MSI2: variants seen among roughly 807,000 people sequenced by gnomAD.
MSI2 encodes musashi RNA binding protein 2.
MSI2 carries 17 observed loss-of-function variants against 45.6 expected under a neutral mutation model. That is an observed-to-expected ratio of 0.37 (90% CI 0.26 to 0.56). MSI2 has a LOEUF of 0.56. MSI2 is among the 20% of genes least tolerant of loss of function. The pLI is 0.77. For missense variants in MSI2, 293 were observed against 444.2 expected (o/e 0.66, Z 3.06); for synonymous variants, 156 against 158.2 (o/e 0.99, Z 0.11).
At chr17:57,401,535 C>A in intron 6 of MSI2, 64 bp downstream of exon 6, 2 of 1,295,086 alleles carry the variant, frequency 1.5e-6, no homozygotes, top group Non-Finnish European at 2.2e-6. Context: ...TAAGAAGAGG[C>A]TACCGTGGCC....
At chr17:57,283,777 C>G (rs544083887) in intron 5 of MSI2, among the ~76,000 whole-genome samples, 1 of 152,224 alleles carries the variant, frequency 6.6e-6, no homozygotes, top group Non-Finnish European at 1.5e-5. Flanking sequence ...GAAGACCACA[C>G]GCGCACGCGC....
chr17:57,371,404 A>G (rs1394450341), intron 5 of MSI2, among the ~76,000 whole-genome samples: 1 of 152,142 alleles, frequency 6.6e-6, no homozygotes, highest in Non-Finnish European at 1.5e-5. Flanking sequence ...AAAATTTTGG[A>G]AAACTGCAAG....
intron 7 of MSI2, among the ~76,000 whole-genome samples, chr17:57,561,726 G>A (rs2144248783): frequency 6.6e-6 from 1 of 152,300 alleles, no homozygotes; most frequent in East Asian, 1.9e-4. Context: ...GTGTGCCCAA[G>A]AGCAGTCTCT....
In MSI2 at chr17:57,683,215, A is replaced by T. The variant is rs1913719792; in HGVS notation, c.*3698A>T. 4.4e-6 allele frequency: 1 copy of T among 229,762 alleles called. No homozygotes were observed. The highest frequency in any genetic ancestry group is 5.7e-5 in the Admixed American group (1 of 17,672). The allele number at this position is 229,762 out of a possible 1,614,324, so 14.2% of individuals were successfully genotyped here. A position where few individuals can be genotyped will look rare whatever the true frequency, so the allele number is the denominator to read the frequency against. ...CAATCACAGCCAGTGAATGTTACAC[A>T]CATCTTGCTAGACTAGTATAAAAAT... On this transcript the variant is annotated 3_prime_UTR_variant, in exon 14 of 14. Coordinates refer to ENST00000284073, the MANE Select transcript of MSI2 (RefSeq NM_138962.4). The surrounding 1 kb of genome is among the most constrained non-coding windows in gnomAD (Gnocchi z 5.2).
At chr17:57,379,467 T>C (rs1262339575) in intron 5 of MSI2, among the ~76,000 whole-genome samples, 1 of 151,856 alleles carries the variant, frequency 6.6e-6, no homozygotes, top group Non-Finnish European at 1.5e-5. Context: ...GGTTGTTTTT[T>C]CGTTTTCTTT....
chr17:57,665,325 C>T (rs772616020), intron 11 of MSI2, among the ~76,000 whole-genome samples: 2 of 152,204 alleles, frequency 1.3e-5, no homozygotes, highest in African/African-American at 2.4e-5. Flanking sequence ...AGCCGCCCTC[C>T]TTGACTGACC....
chr17:57,415,259 T>C (rs951044987), intron 6 of MSI2, among the ~76,000 whole-genome samples: 6 of 152,158 alleles, frequency 3.9e-5, no homozygotes, highest in Non-Finnish European at 7.4e-5. Context: ...AGCACAATCC[T>C]CCCTGATGTT....
At chr17:57,546,905 C>T (rs1241637616) in intron 7 of MSI2, among the ~76,000 whole-genome samples, 1 of 152,198 alleles carries the variant, frequency 6.6e-6, no homozygotes, top group Non-Finnish European at 1.5e-5. Context: ...CAGGCCAAAT[C>T]CCAGCCCTCC....
At chr17:57,588,452 C>A (rs1904518940) in intron 7 of MSI2, among the ~76,000 whole-genome samples, 1 of 152,226 alleles carries the variant, frequency 6.6e-6, no homozygotes, top group South Asian at 2.1e-4. Context: ...AGTCCTACTT[C>A]AGGTACATCT....
At chr17:57,667,408 G>C (rs115435551) in intron 11 of MSI2, among the ~76,000 whole-genome samples, 3,013 of 152,260 alleles carry the variant, frequency 0.02, 92 homozygotes, top group African/African-American at 0.068. Flanking sequence ...ATCCGTTCAC[G>C]GTGGAGAGGG....
chr17:57,677,905 T>C (rs1006390845), intron 13 of MSI2, among the ~76,000 whole-genome samples: 1 of 152,160 alleles, frequency 6.6e-6, no homozygotes, highest in Non-Finnish European at 1.5e-5. Context: ...GGGTTGTCCT[T>C]GTGAAAGCGC....
the MSI2 span, among the ~76,000 whole-genome samples, chr17:57,693,763 G>A: frequency 2.0e-5 from 3 of 152,292 alleles, no homozygotes; most frequent in African/African-American, 7.2e-5. Context: ...TGTGTTTGGT[G>A]TCTCATGACT....
At chr17:57,376,048 TATTGACGCCA>T (rs1232927351) in intron 5 of MSI2, among the ~76,000 whole-genome samples, 4 of 152,184 alleles carry the variant, frequency 2.6e-5, no homozygotes, top group African/African-American at 7.2e-5. Flanking sequence ...GGTGATCGGC[TATTGACGCCA>T]ATGTGGGATT....
chr17:57,582,487 A>T (rs1231446477), intron 7 of MSI2, among the ~76,000 whole-genome samples: 1 of 152,192 alleles, frequency 6.6e-6, no homozygotes, highest in East Asian at 1.9e-4. Flanking sequence ...TTTAAAAAAG[A>T]ATTCTTGATT....
intron 7 of MSI2, among the ~76,000 whole-genome samples, chr17:57,530,230 T>C (rs1024820): frequency 0.72 from 109,300 of 152,072 alleles, 39,756 homozygotes; most frequent in African/African-American, 0.82. Context: ...AGGGCATCTG[T>C]ACTTAATTGT....
At chr17:57,408,368 C>A (rs753001578) in intron 6 of MSI2, among the ~76,000 whole-genome samples, 36 of 152,162 alleles carry the variant, frequency 2.4e-4, no homozygotes, top group Non-Finnish European at 4.1e-4. Flanking sequence ...GGGTAGCAAG[C>A]TGGGAAAACT....
chr17:57,540,340 G>A (rs755647538), intron 7 of MSI2, among the ~76,000 whole-genome samples: 1 of 152,172 alleles, frequency 6.6e-6, no homozygotes, highest in Non-Finnish European at 1.5e-5. Context: ...CTTGCTGATT[G>A]GAGAGAATGT....
intron 5 of MSI2, among the ~76,000 whole-genome samples, chr17:57,390,615 G>T (rs921713213): frequency 6.6e-6 from 1 of 152,220 alleles, no homozygotes; most frequent in African/African-American, 2.4e-5. Flanking sequence ...GCTGCCATTT[G>T]TTCTTTTCGT....
intron 5 of MSI2, among the ~76,000 whole-genome samples, chr17:57,300,251 C>G (rs377206686): frequency 3.3e-5 from 5 of 152,050 alleles, no homozygotes; most frequent in African/African-American, 1.2e-4. Context: ...GGTGTCTTAA[C>G]TTTTAGCAGC....
Sources: allele counts gnomAD v4.1 joint callset (sites outside exome capture counted in the v4.1 genomes callset), GRCh38; gene constraint gnomAD v4.1.1; non-coding constraint Gnocchi (gnomAD v3.1); transcripts MANE v1.5; gene names NCBI Gene and HGNC (gene_info 2026-07-23, HGNC 2026-07-21).